DSP: variants seen among roughly 807,000 people sequenced by gnomAD.
DSP encodes 250/210 kDa paraneoplastic pemphigus antigen.
Under a neutral mutation model 290.6 loss-of-function variants are expected in DSP, and 114 were observed. The observed-to-expected ratio is 0.39, with a 90% CI of 0.34 to 0.46. The LOEUF (loss-of-function observed/expected upper bound fraction) is 0.46, where lower values mean the gene tolerates loss of function less well. DSP is among the 20% of genes least tolerant of loss of function. The pLI is 0.99. For missense variants in DSP, 3,230 were observed against 3,495.8 expected (o/e 0.92, Z 1.92); for synonymous variants, 1,311 against 1,316.4 (o/e 1.00, Z 0.09).
chr6:7,580,750 T>G lies in DSP; in HGVS notation c.4560T>G (p.Ser1520Arg). 2 of 1,614,056 alleles carry G rather than the reference T, an allele frequency of 1.2e-6. No individual in the cohort carries two copies. Among genetic ancestry groups the G allele is most frequent in the Non-Finnish European group, 1.7e-6 (2 of 1,180,014 alleles). ...ATGACCTGCAGAAAGCAAACAGTAGTGCGACGGAGACAATAAACAAACTGA... is the reference window on the plus strand; with the variant it reads ...ATGACCTGCAGAAAGCAAACAGTAGGGCGACGGAGACAATAAACAAACTGA... The part of the protein sequence containing the change: ...VQYDLQKANS[S>R]ATETINKLKV... Residue 1520 changes from serine (S) to arginine (R), a missense_variant, in exon 23 of 24, where the codon AGT becomes AGG. Ser to Arg is a moderately radical substitution (Grantham distance 110). Coordinates refer to ENST00000379802, the MANE Select transcript of DSP (RefSeq NM_004415.4). This position sits in a 1 kb window ranked among gnomAD's most constrained non-coding sequence, Gnocchi z 4.2.
intron 2 of DSP, among the ~76,000 whole-genome samples, chr6:7,557,204 A>G (rs1258635034): frequency 6.6e-6 from 1 of 152,228 alleles, no homozygotes; most frequent in Non-Finnish European, 1.5e-5. Context: ...TGAATACAAA[A>G]GCCTTTTTAA....
Position 7,584,890 on chromosome 6 carries a change from T to C in DSP, c.7628T>C (p.Phe2543Ser). 2 of 1,614,156 alleles carry C rather than the reference T, an allele frequency of 1.2e-6. No individual in the cohort carries two copies. Among genetic ancestry groups the C allele is most frequent in the Non-Finnish European group, 1.7e-6 (2 of 1,180,016 alleles). ...AIDKGLVDRK[F>S]FDQYRSGSLS... The stretch of plus-strand genomic sequence containing the variant: ...GACAAGGGCCTTGTTGACAGGAAGT[T>C]CTTTGATCAGTACCGATCCGGCAGC... The change falls in exon 24 of 24, where the codon TTC becomes TCC. Residue 2543 changes from phenylalanine to serine, a missense_variant. Physicochemically the swap from Phe to Ser is radical, Grantham distance 155. This residue lies in a region of DSP where 582 missense variants were observed against 555.4 expected (regional missense o/e 1.05). Transcript: ENST00000379802. The surrounding 1 kb of genome is among the most constrained non-coding windows in gnomAD (Gnocchi z 6.4).
Position 7,585,202 on chromosome 6 carries a change from G to A in DSP, c.7940G>A (p.Gly2647Asp), listed in dbSNP as rs771407520. 1.9e-6 allele frequency: 3 copies of A among 1,614,146 alleles called. No individual in the cohort carries two copies. The highest frequency in any genetic ancestry group is 1.7e-6 in the Non-Finnish European group (2 of 1,180,042). The stretch of plus-strand genomic sequence containing the variant: ...CGGGGCATCGTTGACAGCATCACGG[G>A]TCAGAGGCTTCTGGAGGCTCAGGCC... ...IERGIVDSIT[G>D]QRLLEAQACT... is the part of the protein sequence containing the mutation. Residue 2647 changes from glycine (G) to aspartate (D), a missense_variant, in exon 24 of 24, where the codon GGT (glycine) becomes GAT (aspartate). Gly to Asp is a moderately conservative substitution (Grantham distance 94). Transcript: ENST00000379802.
At chr6:7,546,201 G>A (rs1244269611) in intron 1 of DSP, among the ~76,000 whole-genome samples, 1 of 152,200 alleles carries the variant, frequency 6.6e-6, no homozygotes, top group African/African-American at 2.4e-5. Context: ...TTGCCAAGGT[G>A]GAGTGACAGC....
At position 7,586,419 on chromosome 6, in the gene DSP, G is replaced by A. The variant is rs1316449741; in HGVS notation, c.*541G>A. On this transcript the variant is annotated 3_prime_UTR_variant, in exon 24 of 24. Transcript: ENST00000379802. ...TTGTATAACCCATATACTCTTCGAT[G>A]TACTTGTTTGGTTTGGTATTAATTT... The A allele has an allele frequency of 1.3e-5, 2 of 152,802 alleles. No individual in the cohort carries two copies. Among genetic ancestry groups the A allele is most frequent in the African/African-American group, 2.4e-5 (1 of 41,364 alleles). 9.5% of individuals were successfully genotyped at this position (152,802 alleles called of 1,614,324 possible).
At chr6:7,547,309 C>T (rs1200527546) in intron 1 of DSP, among the ~76,000 whole-genome samples, 2 of 152,044 alleles carry the variant, frequency 1.3e-5, no homozygotes, top group East Asian at 1.9e-4. Flanking sequence ...GGCTCACCAC[C>T]GACACCTTGG....
At chr6:7,544,277 G>A (rs535728846) in intron 1 of DSP, among the ~76,000 whole-genome samples, 7 of 152,306 alleles carry the variant, frequency 4.6e-5, no homozygotes, top group Non-Finnish European at 7.3e-5. Flanking sequence ...ACCGCCTGAA[G>A]GCAGGGCATG....
intron 12 of DSP, among the ~76,000 whole-genome samples, chr6:7,569,969 T>C (rs970279513): frequency 1.3e-5 from 2 of 152,246 alleles, no homozygotes; most frequent in African/African-American, 4.8e-5. Flanking sequence ...AAATATAAAA[T>C]GCCTTTAATA....
At position 7,582,491 on chromosome 6, in the gene DSP, C is replaced by T. The variant is rs1316723910; in HGVS notation, c.5380-151C>T. On this transcript the variant is annotated intron_variant, in intron 23 of 23. Transcript: ENST00000379802. This position sits in a 1 kb window ranked among gnomAD's most constrained non-coding sequence, Gnocchi z 4.2. ...TCCCACAAATTTGTAAAATAACAAG[C>T]TCACAGTGTATCCAGGGACAATATA... The T allele has an allele frequency of 1.1e-5, 8 of 712,948 alleles. No homozygotes were observed. Among genetic ancestry groups the T allele is most frequent in the Non-Finnish European group, 1.8e-5 (8 of 433,140 alleles). The allele number at this position is 712,948 out of a possible 1,614,324, so 44.2% of individuals were successfully genotyped here. A position where few individuals can be genotyped will look rare whatever the true frequency, so the allele number is the denominator to read the frequency against.
Position 7,582,559 on chromosome 6 carries a change from C to A in DSP, c.5380-83C>A, listed in dbSNP as rs1759471512. 7.4e-6 allele frequency: 9 copies of A among 1,211,338 alleles called. No homozygotes were observed. The highest frequency in any genetic ancestry group is 1.5e-5 in the African/African-American group (1 of 65,296). The allele number at this position is 1,211,338 out of a possible 1,614,324, so 75.0% of individuals were successfully genotyped here. The stretch of plus-strand genomic sequence containing the variant: ...AGGCTTTTTTTTTTAAAGATAGATA[C>A]ACAAAAGAAAGTTAAGTCGTGATAG... On this transcript the variant is annotated intron_variant, in intron 23 of 23. Transcript: ENST00000379802. This position sits in a 1 kb window ranked among gnomAD's most constrained non-coding sequence, Gnocchi z 4.2.
chr6:7,549,596 C>T (rs964483310), intron 1 of DSP, among the ~76,000 whole-genome samples: 8 of 152,176 alleles, frequency 5.3e-5, no homozygotes, highest in African/African-American at 4.8e-5. Flanking sequence ...AAATAGGCCT[C>T]ACGGTCAATA....
rs1759354150 is a variant in DSP, at chr6:7,579,655, G to C, written c.3465G>C (p.Trp1155Cys). 6.2e-7 allele frequency: 1 copy of C among 1,613,976 alleles called. No individual in the cohort carries two copies. Among genetic ancestry groups the C allele is most frequent in the Non-Finnish European group, 8.5e-7 (1 of 1,179,972 alleles). ...ARQCEKENLGWQKLESEKAIK... is the reference protein window; with the variant it reads ...ARQCEKENLGCQKLESEKAIK... ...AATGTGAAAAGGAGAACCTTGGTTG[G>C]CAGAAATTAGAGTCTGAGAAAGCCA... The change falls in exon 23 of 24, where the codon TGG becomes TGC. Residue 1155 changes from tryptophan (W) to cysteine (C), a missense_variant. Trp to Cys is a radical substitution (Grantham distance 215, BLOSUM62 -2). Around this residue, in one of 5 missense-constraint regions of DSP, gnomAD observed 1,714 missense variants for 1,844.5 expected, o/e 0.93. Transcript: ENST00000379802. This position sits in a 1 kb window ranked among gnomAD's most constrained non-coding sequence, Gnocchi z 4.1.
At position 7,581,109 on chromosome 6, in the gene DSP, T is replaced by G; in HGVS notation, c.4919T>G (p.Leu1640Arg). 6.2e-7 allele frequency: 1 copy of G among 1,614,080 alleles called. No individual in the cohort carries two copies. The highest frequency in any genetic ancestry group is 8.5e-7 in the Non-Finnish European group (1 of 1,180,022). ...GACCTCCGGCAGCAGAGGGACGTGCTGGATGGCCACCTGAGGGAAAAGCAG... is the reference window on the plus strand; with the variant it reads ...GACCTCCGGCAGCAGAGGGACGTGCGGGATGGCCACCTGAGGGAAAAGCAG... ...EDDLRQQRDVLDGHLREKQRT... is the reference protein window; with the variant it reads ...EDDLRQQRDVRDGHLREKQRT... The change falls in exon 23 of 24, where the codon CTG becomes CGG. Residue 1640 changes from leucine to arginine, a missense_variant. Physicochemically the swap from Leu to Arg is moderately radical, Grantham distance 102. Transcript: ENST00000379802.
At chr6:7,569,547 A>C (rs1043532938) in intron 12 of DSP, among the ~76,000 whole-genome samples, 5 of 152,224 alleles carry the variant, frequency 3.3e-5, no homozygotes, top group African/African-American at 9.6e-5. Flanking sequence ...ATAAAAGGGA[A>C]TATCTGGCCG....
At chr6:7,573,942 G>T (rs939627197) in intron 15 of DSP, 144 bp from the exon 16 acceptor site, 1 of 899,230 alleles carries the variant, frequency 1.1e-6, no homozygotes, top group African/African-American at 1.7e-5. Flanking sequence ...AACCATGGAA[G>T]TTGACTGATG....
At chr6:7,570,617 G>T (rs79083795) in intron 13 of DSP, 54 bp downstream of exon 13, 5 of 1,608,816 alleles carry the variant, frequency 3.1e-6, no homozygotes, top group Non-Finnish European at 4.2e-6. Flanking sequence ...GCTGCCCCCC[G>T]CAGTGCCTGT....
At chr6:7,558,361 G>C in intron 3 of DSP, 97 bp downstream of exon 3, 1 of 1,513,384 alleles carries the variant, frequency 6.6e-7, no homozygotes, top group Non-Finnish European at 9.0e-7. Flanking sequence ...TCCTTTGAAG[G>C]CAGCACAAAT....
chr6:7,574,871 A>C, intron 17 of DSP, 76 bp downstream of exon 17: 2 of 1,604,116 alleles, frequency 1.2e-6, no homozygotes, highest in Non-Finnish European at 1.7e-6. Context: ...ATAAAGCCTC[A>C]CTGGGTTTTC....
chr6:7,579,840 C>T lies in DSP; in HGVS notation c.3650C>T (p.Thr1217Met), dbSNP rs535202724. 317 of 1,614,058 alleles carry T rather than the reference C, an allele frequency of 2.0e-4. 1 individual carries two copies. The South Asian group carries it at 2.5e-3, about 13-fold the overall frequency. Residue 1217 changes from threonine (T) to methionine (M), a missense_variant, in exon 23 of 24, where the codon ACG (threonine) becomes ATG (methionine). By Grantham distance (81) the Thr-to-Met change is moderately conservative. This residue lies in a region of DSP where 1,714 missense variants were observed against 1,844.5 expected (regional missense o/e 0.93). Coordinates refer to ENST00000379802, the MANE Select transcript of DSP (RefSeq NM_004415.4). The surrounding 1 kb of genome is among the most constrained non-coding windows in gnomAD (Gnocchi z 4.1). Reference protein sequence around the residue: ...RNKYETEINITKTTIKEISMQ... With the variant: ...RNKYETEINIMKTTIKEISMQ... The stretch of plus-strand genomic sequence containing the variant: ...AAGTATGAAACAGAGATTAACATTA[C>T]GAAGACCACCATCAAGGAGATATCC...
Sources: gnomAD v4.1 joint callset for allele counts (sites outside exome capture counted in the v4.1 genomes callset) on GRCh38, gnomAD v4.1.1 for gene constraint, gnomAD v4.1.1 regional missense constraint, Gnocchi (gnomAD v3.1) non-coding constraint, MANE v1.5 for transcripts, NCBI Gene and HGNC (gene_info 2026-07-23, HGNC 2026-07-21) for gene names.